GREM2: variants seen among roughly 807,000 people sequenced by gnomAD.
GREM2 encodes gremlin 2, DAN family BMP antagonist, also known as gremlin-2.
GREM2 carries 11 observed loss-of-function variants against 14.2 expected under a neutral mutation model. The observed-to-expected ratio is 0.78, with a 90% CI of 0.49 to 1.28. GREM2 has a LOEUF of 1.28. GREM2 is among the 50% of genes most tolerant of loss of function. The pLI is 0.00. For synonymous variants in GREM2, 98 were observed against 97.6 expected, an observed-to-expected ratio of 1.00 and a Z score of -0.02; for missense variants, 210 against 218.5, an observed-to-expected ratio of 0.96 and a Z score of 0.24.
At chr1:240,575,207 G>A (rs916446367) in intron 1 of GREM2, among the ~76,000 whole-genome samples, 2 of 151,866 alleles carry the variant, frequency 1.3e-5, no homozygotes, top group African/African-American at 2.4e-5. Flanking sequence ...CTCCTTTTTT[G>A]TTTTATTTAA....
chr1:240,600,709 C>A (rs942658378), intron 1 of GREM2, among the ~76,000 whole-genome samples: 1 of 152,096 alleles, frequency 6.6e-6, no homozygotes, highest in African/African-American at 2.4e-5. Context: ...GTCTCGAACT[C>A]CTGACCTCAG....
intron 1 of GREM2, among the ~76,000 whole-genome samples, chr1:240,500,917 T>A (rs780168677): frequency 1.4e-4 from 11 of 77,806 alleles, no homozygotes; most frequent in Non-Finnish European, 3.4e-4. Flanking sequence ...TGAGCTTGAC[T>A]AAGTTGTGCC....
chr1:240,526,990 C>G (rs1403542615), intron 1 of GREM2, among the ~76,000 whole-genome samples: 1 of 152,140 alleles, frequency 6.6e-6, no homozygotes, highest in African/African-American at 2.4e-5. Flanking sequence ...GCAATACTTA[C>G]CAACAGCAAT....
chr1:240,503,010 G>C (rs754220318), intron 1 of GREM2, among the ~76,000 whole-genome samples: 9 of 152,174 alleles, frequency 5.9e-5, no homozygotes, highest in Non-Finnish European at 1.0e-4. Flanking sequence ...TACCATTCAG[G>C]TCTTTATTGT....
At chr1:240,585,468 C>T (rs1486042070) in intron 1 of GREM2, among the ~76,000 whole-genome samples, 1 of 151,914 alleles carries the variant, frequency 6.6e-6, no homozygotes, top group African/African-American at 2.4e-5. Flanking sequence ...GGTGGCTCAC[C>T]CCTGTAATCT....
chr1:240,541,618 T>C (rs1256872841), intron 1 of GREM2, among the ~76,000 whole-genome samples: 1 of 152,178 alleles, frequency 6.6e-6, no homozygotes, highest in Non-Finnish European at 1.5e-5. Context: ...TAACTCTCAG[T>C]GGGCCAAAAA....
chr1:240,515,100 G>A (rs550656644), intron 1 of GREM2, among the ~76,000 whole-genome samples: 1 of 152,328 alleles, frequency 6.6e-6, no homozygotes, highest in African/African-American at 2.4e-5. Context: ...ACTTTCTGGA[G>A]ATTTTACAAA....
chr1:240,536,230 T>C (rs2103320551), intron 1 of GREM2, among the ~76,000 whole-genome samples: 1 of 152,346 alleles, frequency 6.6e-6, no homozygotes, highest in African/African-American at 2.4e-5. Flanking sequence ...TATTTAAATA[T>C]ATTTTTAAAG....
At position 240,570,595 on chromosome 1, in the gene GREM2, C is replaced by T. The variant is rs757099483; in HGVS notation, c.-2+41289G>A. ...AAAAGACTGAAACACTTACTGTCCACATATGACAATGTTCCTATGTAGACA... is the reference window on the plus strand; with the variant it reads ...AAAAGACTGAAACACTTACTGTCCATATATGACAATGTTCCTATGTAGACA... On this transcript the variant is annotated intron_variant, in intron 1 of 1. Coordinates refer to ENST00000318160, the MANE Select transcript of GREM2 (RefSeq NM_022469.4). Among the ~76,000 whole-genome samples, 124 of 152,208 alleles carry T rather than the reference C, an allele frequency of 8.1e-4. 1 individual carries two copies. The highest frequency in any genetic ancestry group is 1.5e-3 in the Non-Finnish European group (105 of 68,044).
At chr1:240,564,924 T>C (rs964078079) in intron 1 of GREM2, among the ~76,000 whole-genome samples, 1 of 152,204 alleles carries the variant, frequency 6.6e-6, no homozygotes, top group African/African-American at 2.4e-5. Flanking sequence ...ATAGTTGCTT[T>C]TGAGGGTAAC....
chr1:240,541,442 C>G (rs1242408929), intron 1 of GREM2, among the ~76,000 whole-genome samples: 1 of 152,224 alleles, frequency 6.6e-6, no homozygotes, highest in Non-Finnish European at 1.5e-5. Context: ...TGCTGACTAA[C>G]TCACTTCCCA....
At chr1:240,504,942 T>G (rs1677647084) in intron 1 of GREM2, among the ~76,000 whole-genome samples, 1 of 152,186 alleles carries the variant, frequency 6.6e-6, no homozygotes. Flanking sequence ...TTTGGATCTA[T>G]GTCCCCGCCC....
At chr1:240,507,361 G>T (rs1421048126) in intron 1 of GREM2, among the ~76,000 whole-genome samples, 1 of 132,032 alleles carries the variant, frequency 7.6e-6, no homozygotes, top group African/African-American at 2.9e-5. Flanking sequence ...TCTTTCTCTA[G>T]CTCTTTTTAC....
At chr1:240,546,873 T>TA (rs61138306) in intron 1 of GREM2, among the ~76,000 whole-genome samples, 30,531 of 149,472 alleles carry the variant, frequency 0.2, 4,449 homozygotes, top group African/African-American at 0.42. Flanking sequence ...TATCACTTAG[T>TA]AAAAAAAAAA....
rs1572359855 is a variant in GREM2, at chr1:240,493,091, T to G, written c.385A>C (p.Thr129Pro). The change falls in exon 2 of 2, where the codon ACC becomes CCC. Residue 129 changes from threonine (T) to proline (P), a missense_variant. Physicochemically the swap from Thr to Pro is conservative, Grantham distance 38 (BLOSUM62 -1). Transcript: ENST00000318160. ...CACTCGAGCTCCACGAGGACGGAGG[T>G]GACGCGCTGGGGCTTGCAGAAGGCG... Reference protein sequence around the residue: ...SCAFCKPQRVTSVLVELECPG... With the variant: ...SCAFCKPQRVPSVLVELECPG... 6.2e-7 allele frequency: 1 copy of G among 1,613,700 alleles called. No individual in the cohort carries two copies. The highest frequency in any genetic ancestry group is 8.5e-7 in the Non-Finnish European group (1 of 1,179,782).
At chr1:240,551,002 C>A (rs899825606) in intron 1 of GREM2, among the ~76,000 whole-genome samples, 2 of 152,144 alleles carry the variant, frequency 1.3e-5, no homozygotes, top group South Asian at 4.1e-4. Context: ...TCTTTTATGG[C>A]CTAAAAGAAC....
rs928323552 is a variant in GREM2, at chr1:240,522,847, G to A, written c.-1-29371C>T. On this transcript the variant is annotated intron_variant, in intron 1 of 1. Transcript: ENST00000318160. Reference sequence around the variant, plus strand: ...TTATTTACAAAGAACAAGAGGCCACGAAGGAAGAAAAATCACAGGTAAATC... The same window carrying A: ...TTATTTACAAAGAACAAGAGGCCACAAAGGAAGAAAAATCACAGGTAAATC... 7.2e-5 allele frequency among the ~76,000 whole-genome samples: 11 copies of A among 152,142 alleles called. No homozygotes were observed. In the East Asian group the frequency reaches 7.7e-4, roughly 11 times the overall value.
chr1:240,586,127 T>G (rs1217759236), intron 1 of GREM2, among the ~76,000 whole-genome samples: 1 of 151,342 alleles, frequency 6.6e-6, no homozygotes, highest in East Asian at 1.9e-4. Flanking sequence ...TTAAGAAAAA[T>G]TTTTCTCTGC....
chr1:240,583,745 G>A (rs1251007649), intron 1 of GREM2, among the ~76,000 whole-genome samples: 1 of 152,006 alleles, frequency 6.6e-6, no homozygotes, highest in Non-Finnish European at 1.5e-5. Flanking sequence ...GGGACTACAG[G>A]CATGCGCCAC....
Sources: allele counts gnomAD v4.1 joint callset (sites outside exome capture counted in the v4.1 genomes callset), GRCh38; gene constraint gnomAD v4.1.1; transcripts MANE v1.5; gene names NCBI Gene and HGNC (gene_info 2026-07-23, HGNC 2026-07-21).